The following ZNF277 variants were observed in gnomAD, a reference collection of about 807,000 sequenced individuals.
The protein encoded by ZNF277 is nuclear receptor-interacting factor 4.
A neutral mutation model predicts 60.7 loss-of-function variants in ZNF277; 55 were observed. That is an observed-to-expected ratio of 0.91 (90% CI 0.73 to 1.13). The LOEUF (loss-of-function observed/expected upper bound fraction) is 1.13. ZNF277 is among the 50% of genes most tolerant of loss of function. The probability of loss-of-function intolerance (pLI) is 0.00; values close to 1 mark genes in which losing one functional copy is unlikely to be tolerated. For missense variants in ZNF277, 510 were observed against 523.0 expected (o/e 0.98, Z 0.24); for synonymous variants, 178 against 179.3 (o/e 0.99, Z 0.06).
intron 2 of ZNF277, chr7:112,287,836 G>T (rs1297092173): frequency 6.6e-6 from 1 of 152,130 alleles, no homozygotes; most frequent in Non-Finnish European, 1.5e-5. Flanking sequence ...CAACTTCTCA[G>T]ACTTTAAAAA....
At chr7:112,218,845 ATTTTCT>A (rs1467768860) in intron 1 of ZNF277, among the ~76,000 whole-genome samples, 1 of 152,114 alleles carries the variant, frequency 6.6e-6, no homozygotes, top group Middle Eastern at 3.2e-3. Context: ...TATGCACCAC[ATTTTCT>A]TTATCTGTTC....
intron 1 of ZNF277, among the ~76,000 whole-genome samples, chr7:112,262,036 A>C (rs1407676016): frequency 6.6e-6 from 1 of 152,034 alleles, no homozygotes; most frequent in Non-Finnish European, 1.5e-5. Flanking sequence ...ATGAGTACCT[A>C]GGGTGTACTC....
At chr7:112,284,963 C>T (rs966752680) in intron 1 of ZNF277, among the ~76,000 whole-genome samples, 1 of 152,216 alleles carries the variant, frequency 6.6e-6, no homozygotes, top group African/African-American at 2.4e-5. Context: ...TCGAACATCC[C>T]TGTAGATAGT....
intron 5 of ZNF277, among the ~76,000 whole-genome samples, chr7:112,320,991 G>T (rs1389509517): frequency 2.1e-5 from 3 of 141,580 alleles, no homozygotes; most frequent in South Asian, 2.2e-4. Context: ...GCAGGATCTC[G>T]GCTCACTGCA....
chr7:112,306,834 T>C (rs1023815725), intron 4 of ZNF277, among the ~76,000 whole-genome samples: 2 of 152,056 alleles, frequency 1.3e-5, no homozygotes, highest in Non-Finnish European at 2.9e-5. Flanking sequence ...ATTTTGAATG[T>C]TCTAAGGCAA....
chr7:112,269,830 T>A (rs2214434), intron 1 of ZNF277, among the ~76,000 whole-genome samples: 1 of 152,062 alleles, frequency 6.6e-6, no homozygotes, highest in African/African-American at 2.4e-5. Context: ...TATCAGACTT[T>A]GCCAGTAGAT....
chr7:112,264,215 T>TA (rs1791496743), intron 1 of ZNF277, among the ~76,000 whole-genome samples: 1 of 152,066 alleles, frequency 6.6e-6, no homozygotes, highest in Non-Finnish European at 1.5e-5. Flanking sequence ...TTAGCTTATG[T>TA]ATACTAATAT....
Position 112,295,932 on chromosome 7 carries a change from A to G in ZNF277, c.357A>G (p.Ile119Met), listed in dbSNP as rs1233407892. Residue 119 changes from isoleucine (I) to methionine (M), a missense_variant, in exon 3 of 12, where the codon ATA (isoleucine) becomes ATG (methionine). By Grantham distance (10) the Ile-to-Met change is conservative (BLOSUM62 1). Transcript: ENST00000361822. ...EQPITDFCSV[I>M]RINSTAPFEE... ...CCATCACAGATTTTTGTAGTGTAAT[A>G]AGAATTAATTCCACTGCTCCATTTG... 6.2e-7 allele frequency: 1 copy of G among 1,612,276 alleles called. No homozygotes were observed. The highest frequency in any genetic ancestry group is 8.5e-7 in the Non-Finnish European group (1 of 1,178,590).
intron 2 of ZNF277, chr7:112,289,021 A>G (rs185746760): frequency 5.4e-4 from 81 of 150,222 alleles, no homozygotes; most frequent in African/African-American, 1.9e-3. Context: ...AGACATGTGT[A>G]CCTGATAAAT....
chr7:112,243,497 A>C (rs1434266595), intron 1 of ZNF277, among the ~76,000 whole-genome samples: 1 of 151,212 alleles, frequency 6.6e-6, no homozygotes. Flanking sequence ...AAAAAAAAAC[A>C]ACCCCATTAA....
intron 2 of ZNF277, among the ~76,000 whole-genome samples, chr7:112,294,432 T>C (rs968882744): frequency 1.3e-5 from 2 of 152,120 alleles, no homozygotes; most frequent in Non-Finnish European, 2.9e-5. Flanking sequence ...AGGAGTAGGG[T>C]GCATCATTTA....
At chr7:112,267,600 G>C (rs1238831246) in intron 1 of ZNF277, among the ~76,000 whole-genome samples, 1 of 152,144 alleles carries the variant, frequency 6.6e-6, no homozygotes, top group African/African-American at 2.4e-5. Flanking sequence ...ATTAGCTTTT[G>C]CTGCCTTTTT....
chr7:112,279,052 A>G (rs534517403), intron 1 of ZNF277, among the ~76,000 whole-genome samples: 1 of 152,198 alleles, frequency 6.6e-6, no homozygotes, highest in Non-Finnish European at 1.5e-5. Context: ...CATTCCTTTT[A>G]AAAAAGGCTG....
chr7:112,209,083 A>G (rs538605039), intron 1 of ZNF277, among the ~76,000 whole-genome samples: 33 of 152,258 alleles, frequency 2.2e-4, no homozygotes, highest in African/African-American at 7.7e-4. Context: ...CTTCCACGTC[A>G]GTACATTTGT....
chr7:112,327,590 CTTTGTG>C, intron 5 of ZNF277, 121 bp from the exon 6 acceptor site: 1 of 669,706 alleles, frequency 1.5e-6, no homozygotes. Context: ...TAGCTGAAAT[CTTTGTG>C]TTAGTGCTTA....
intron 10 of ZNF277, 98 bp from the exon 11 acceptor site, chr7:112,340,774 T>C: frequency 1.0e-6 from 1 of 1,000,366 alleles, no homozygotes; most frequent in Non-Finnish European, 1.5e-6. Context: ...CCTCTTCAGG[T>C]TGATTAATAA....
chr7:112,294,322 C>A (rs1331528706), intron 2 of ZNF277, among the ~76,000 whole-genome samples: 2 of 152,158 alleles, frequency 1.3e-5, no homozygotes, highest in East Asian at 1.9e-4. Flanking sequence ...AATGTCCCAG[C>A]CTTTTGTAGG....
intron 5 of ZNF277, among the ~76,000 whole-genome samples, chr7:112,325,671 G>A (rs948992386): frequency 8.5e-5 from 13 of 152,114 alleles, no homozygotes; most frequent in Non-Finnish European, 1.8e-4. Flanking sequence ...GAGATCATGG[G>A]GACCTTCCTA....
intron 1 of ZNF277, among the ~76,000 whole-genome samples, chr7:112,283,494 G>C (rs1450490431): frequency 6.6e-6 from 1 of 152,206 alleles, no homozygotes; most frequent in Non-Finnish European, 1.5e-5. Flanking sequence ...CTGCACTCTA[G>C]CCTGGGCAAC....
Sources: gnomAD v4.1 joint callset for allele counts (sites outside exome capture counted in the v4.1 genomes callset) on GRCh38, gnomAD v4.1.1 for gene constraint, MANE v1.5 for transcripts, NCBI Gene and HGNC (gene_info 2026-07-23, HGNC 2026-07-21) for gene names.